PDE8A: variants seen among roughly 807,000 people sequenced by gnomAD.
PDE8A encodes the protein phosphodiesterase 8A, also known as high affinity cAMP-specific and IBMX-insensitive 3',5'-cyclic phosphodiesterase 8A.
In PDE8A, 59 loss-of-function variants were observed where a neutral mutation model predicts 105.0. The observed-to-expected ratio is 0.56, with a 90% CI of 0.46 to 0.70. The LOEUF (loss-of-function observed/expected upper bound fraction) is 0.70. Ranked by LOEUF, PDE8A falls within the 30% of genes least tolerant of loss-of-function variation. PDE8A has a pLI of 0.00. For synonymous variants in PDE8A, 355 were observed against 371.9 expected (o/e 0.95, Z 0.52); for missense variants, 1,014 against 1,045.9 (o/e 0.97, Z 0.42).
At chr15:85,100,244 G>GA (rs770158474) in intron 11 of PDE8A, 46 bp downstream of exon 11, 57 of 1,527,012 alleles carry the variant, frequency 3.7e-5, no homozygotes, top group Non-Finnish European at 4.4e-5. Context: ...AGTTTTTGGA[G>GA]AAAAAAAATA....
chr15:85,040,496 G>T (rs2080786893), intron 1 of PDE8A, among the ~76,000 whole-genome samples: 1 of 150,560 alleles, frequency 6.6e-6, no homozygotes, highest in African/African-American at 2.4e-5. Context: ...CTGTTCTAGT[G>T]TGTTTAATGT....
intron 1 of PDE8A, among the ~76,000 whole-genome samples, chr15:85,019,579 GT>G (rs908387753): frequency 6.6e-6 from 1 of 151,462 alleles, no homozygotes; most frequent in African/African-American, 2.4e-5. Flanking sequence ...TTTTTGTGGG[GT>G]TTTTTTTGTT....
intron 8 of PDE8A, among the ~76,000 whole-genome samples, chr15:85,095,893 T>A (rs12904056): frequency 1.0e-4 from 15 of 147,306 alleles, no homozygotes; most frequent in South Asian, 2.1e-4. Flanking sequence ...ATATATATAT[T>A]TTTTGTTTTT....
In PDE8A at chr15:84,982,196, C is replaced by A; in HGVS notation, c.34C>A (p.Arg12Ser). 1 of 1,483,558 alleles carries A rather than the reference C, an allele frequency of 6.7e-7. No individual in the cohort carries two copies. The highest frequency in any genetic ancestry group is 8.9e-7 in the Non-Finnish European group (1 of 1,126,522). The allele number at this position is 1,483,558 out of a possible 1,614,324, so 91.9% of individuals were successfully genotyped here. Residue 12 changes from arginine to serine, a missense_variant, in exon 1 of 22, where the codon CGC becomes AGC. Coordinates refer to ENST00000394553, the MANE Select transcript of PDE8A (RefSeq NM_002605.3). ...TGCCCCGAGCATCCACATTTCCGAG[C>A]GCCTGGTGGCCGAGGACGCGCCTAG... ...GCAPSIHISE[R>S]LVAEDAPSPA...
chr15:85,093,136 C>T (rs898608818), intron 8 of PDE8A, among the ~76,000 whole-genome samples: 8 of 152,178 alleles, frequency 5.3e-5, no homozygotes, highest in Non-Finnish European at 1.5e-5. Flanking sequence ...AACTCCTGGG[C>T]TCAAGCAGTC....
chr15:85,116,254 C>T, intron 16 of PDE8A, 135 bp downstream of exon 16: 1 of 776,222 alleles, frequency 1.3e-6, no homozygotes, highest in Non-Finnish European at 2.0e-6. Flanking sequence ...AGTAACAGGG[C>T]ACCAGGTGGC....
rs553174094 is a variant in PDE8A, at chr15:85,105,746, G to A, written c.1037-3307G>A. ...AGCCCTGGCTATGGAGGCCTAGTTAGTGTTCTCTCCACTGGCAGGCCGGAT... is the reference window on the plus strand; with the variant it reads ...AGCCCTGGCTATGGAGGCCTAGTTAATGTTCTCTCCACTGGCAGGCCGGAT... On this transcript the variant is annotated intron_variant, in intron 11 of 21. Coordinates refer to ENST00000394553, the MANE Select transcript of PDE8A (RefSeq NM_002605.3). Among the ~76,000 whole-genome samples the A allele has an allele frequency of 4.2e-4, 64 of 152,350 alleles. No individual in the cohort carries two copies. In the South Asian group the frequency reaches 8.1e-3, roughly 19 times the overall value.
intron 17 of PDE8A, 46 bp downstream of exon 17, chr15:85,117,885 G>A: frequency 7.0e-7 from 1 of 1,429,582 alleles, no homozygotes; most frequent in Non-Finnish European, 9.9e-7. Context: ...GGAGCAGTGG[G>A]GAGAGTCTAG....
chr15:85,136,762 C>T (rs913008358), intron 21 of PDE8A, 99 bp downstream of exon 21: 2 of 1,208,194 alleles, frequency 1.7e-6, no homozygotes, highest in Non-Finnish European at 2.3e-6. Flanking sequence ...TGATTTGGGG[C>T]CTGGGCTTTC....
intron 19 of PDE8A, among the ~76,000 whole-genome samples, chr15:85,124,096 G>C (rs563032970): frequency 6.6e-6 from 1 of 152,282 alleles, no homozygotes; most frequent in South Asian, 2.1e-4. Flanking sequence ...TGTGTCACAA[G>C]GGTGACATTA....
At position 85,123,071 on chromosome 15, in the gene PDE8A, C is replaced by T. The variant is rs375401413; in HGVS notation, c.1963C>T (p.Arg655Trp). ...IFKNMERNDYRTLRQGIIDMV... is the reference protein window; with the variant it reads ...IFKNMERNDYWTLRQGIIDMV... Reference sequence around the variant, plus strand: ...TGTCATCGAAAACAGGAATGATTATCGGACACTGCGCCAGGGGATTATCGA... The same window carrying T: ...TGTCATCGAAAACAGGAATGATTATTGGACACTGCGCCAGGGGATTATCGA... Residue 655 changes from arginine to tryptophan, a missense_variant, in exon 19 of 22, where the codon CGG becomes TGG. Transcript: ENST00000394553. 11 of 1,613,830 alleles carry T rather than the reference C, an allele frequency of 6.8e-6. No individual in the cohort carries two copies. Among genetic ancestry groups the T allele is most frequent in the East Asian group, 4.5e-5 (2 of 44,868 alleles).
chr15:85,070,469 C>T (rs982956765), intron 3 of PDE8A, among the ~76,000 whole-genome samples: 1 of 152,030 alleles, frequency 6.6e-6, no homozygotes, highest in Non-Finnish European at 1.5e-5. Flanking sequence ...TGTAAGTGCC[C>T]GCAGAAGAGG....
At chr15:85,125,012 T>C (rs1471061407) in intron 19 of PDE8A, among the ~76,000 whole-genome samples, 1 of 152,158 alleles carries the variant, frequency 6.6e-6, no homozygotes, top group East Asian at 1.9e-4. Context: ...GAGAATAGTT[T>C]CCAGGCTGGC....
intron 1 of PDE8A, among the ~76,000 whole-genome samples, chr15:85,032,975 T>TTA (rs1336281141): frequency 6.6e-6 from 1 of 152,190 alleles, no homozygotes; most frequent in Admixed American, 6.5e-5. Flanking sequence ...GATTTGAACA[T>TTA]GGTAAAGTCA....
chr15:85,001,248 G>A (rs917476596), intron 1 of PDE8A, among the ~76,000 whole-genome samples: 1 of 152,030 alleles, frequency 6.6e-6, no homozygotes, highest in Non-Finnish European at 1.5e-5. Context: ...AATTTAATCA[G>A]TGTAATTAAC....
chr15:85,014,071 C>G (rs1206840035), intron 1 of PDE8A, among the ~76,000 whole-genome samples: 3 of 152,160 alleles, frequency 2.0e-5, no homozygotes, highest in Admixed American at 1.3e-4. Flanking sequence ...AGCCTTGATT[C>G]AGGGTGGAGA....
chr15:84,986,455 C>T (rs920766932), intron 1 of PDE8A, among the ~76,000 whole-genome samples: 6 of 152,072 alleles, frequency 3.9e-5, no homozygotes, highest in Non-Finnish European at 7.4e-5. Flanking sequence ...CCATCTTCCT[C>T]CTTGCTTTTT....
At chr15:85,121,262 A>C (rs2082177596) in intron 18 of PDE8A, among the ~76,000 whole-genome samples, 1 of 151,724 alleles carries the variant, frequency 6.6e-6, no homozygotes, top group Admixed American at 6.6e-5. Flanking sequence ...CAAAAGGAAA[A>C]AAAAAATTAG....
intron 1 of PDE8A, among the ~76,000 whole-genome samples, chr15:84,989,829 T>TC (rs2079859132): frequency 6.6e-6 from 1 of 152,208 alleles, no homozygotes. Context: ...ATATAGTTTT[T>TC]CTCCAATATT....
Sources: gnomAD v4.1 joint callset for allele counts (sites outside exome capture counted in the v4.1 genomes callset) on GRCh38, gnomAD v4.1.1 for gene constraint, MANE v1.5 for transcripts, NCBI Gene and HGNC (gene_info 2026-07-23, HGNC 2026-07-21) for gene names.